Variants in SLC39A11 observed in about 807,000 individuals in gnomAD.
SLC39A11 encodes the protein solute carrier family 39 member 11, also known as zinc transporter ZIP11.
SLC39A11 carries 33 observed loss-of-function variants against 36.1 expected under a neutral mutation model. The observed-to-expected ratio is 0.91, with a 90% CI of 0.69 to 1.22. The LOEUF (loss-of-function observed/expected upper bound fraction) is 1.22. Ranked by LOEUF, SLC39A11 falls within the 50% of genes most tolerant of loss-of-function variation. The pLI, the probability that SLC39A11 is intolerant of heterozygous loss-of-function variation, is 0.00. For missense variants in SLC39A11, 432 were observed against 430.3 expected (o/e 1.00, Z -0.03); for synonymous variants, 166 against 170.3 (o/e 0.97, Z 0.20).
At chr17:72,774,339 G>C (rs2076059052) in intron 6 of SLC39A11, among the ~76,000 whole-genome samples, 1 of 152,172 alleles carries the variant, frequency 6.6e-6, no homozygotes, top group Non-Finnish European at 1.5e-5. Flanking sequence ...GAAATTAATG[G>C]CTTGGGAGGG....
intron 4 of SLC39A11, among the ~76,000 whole-genome samples, chr17:72,977,429 T>C (rs1327456631): frequency 1.3e-5 from 2 of 152,150 alleles, no homozygotes; most frequent in African/African-American, 4.8e-5. Flanking sequence ...TTAAAGCTGT[T>C]AGACTTATAA....
chr17:72,677,592 T>A (rs1476455085), intron 7 of SLC39A11, among the ~76,000 whole-genome samples: 1 of 151,920 alleles, frequency 6.6e-6, no homozygotes, highest in East Asian at 1.9e-4. Context: ...TGAGGGTTTG[T>A]GAGTGAGGTT....
intron 7 of SLC39A11, among the ~76,000 whole-genome samples, chr17:72,689,396 A>C (rs950597720): frequency 6.6e-6 from 1 of 152,184 alleles, no homozygotes; most frequent in African/African-American, 2.4e-5. Flanking sequence ...AAAAGTGGGG[A>C]GAAGAGACAC....
intron 7 of SLC39A11, among the ~76,000 whole-genome samples, chr17:72,653,163 G>A (rs765150696): frequency 6.8e-6 from 1 of 147,876 alleles, no homozygotes; most frequent in Admixed American, 6.8e-5. Flanking sequence ...AGAGTGCACT[G>A]GCACGATCTC....
chr17:72,773,529 C>A (rs989982416), intron 6 of SLC39A11, among the ~76,000 whole-genome samples: 5 of 152,102 alleles, frequency 3.3e-5, no homozygotes, highest in Non-Finnish European at 5.9e-5. Flanking sequence ...TGTGAGGCCT[C>A]CCCAGCCACA....
At chr17:72,858,974 G>A (rs1379287940) in intron 5 of SLC39A11, among the ~76,000 whole-genome samples, 1 of 152,112 alleles carries the variant, frequency 6.6e-6, no homozygotes, top group African/African-American at 2.4e-5. Context: ...CTTCCTATTT[G>A]GATGCCCTGT....
intron 7 of SLC39A11, among the ~76,000 whole-genome samples, chr17:72,715,591 G>C (rs1481029217): frequency 6.6e-6 from 1 of 152,232 alleles, no homozygotes; most frequent in Admixed American, 6.5e-5. Context: ...CCCTAGAGGA[G>C]TCACATTCAT....
intron 5 of SLC39A11, among the ~76,000 whole-genome samples, chr17:72,941,785 C>A (rs1402503394): frequency 6.6e-6 from 1 of 152,144 alleles, no homozygotes; most frequent in Non-Finnish European, 1.5e-5. Context: ...AAGCTTCTGG[C>A]AGTTATTATT....
At chr17:73,041,931 C>T (rs941484625) in intron 3 of SLC39A11, among the ~76,000 whole-genome samples, 1 of 152,168 alleles carries the variant, frequency 6.6e-6, no homozygotes, top group Non-Finnish European at 1.5e-5. Flanking sequence ...CTCAAAATAT[C>T]ATGCAAAATG....
At chr17:72,759,993 T>G (rs2144522087) in intron 6 of SLC39A11, among the ~76,000 whole-genome samples, 1 of 152,288 alleles carries the variant, frequency 6.6e-6, no homozygotes, top group African/African-American at 2.4e-5. Context: ...CTTGTTTGTT[T>G]TTTTTCTTCA....
At position 73,081,670 on chromosome 17, in the gene SLC39A11, C is replaced by T. The variant is rs200793294; in HGVS notation, c.147+3138G>A. ...ACACACACACACACACACACACACA[C>T]ATATATATACACATATATGTATATA... On this transcript the variant is annotated intron_variant, in intron 3 of 9. Transcript: ENST00000255559. Among the ~76,000 whole-genome samples the T allele has an allele frequency of 1.6e-3, 132 of 82,178 alleles. 2 individuals carry two copies. The highest frequency in any genetic ancestry group is 2.9e-3 in the African/African-American group (56 of 19,338). The allele number at this position is 82,178 out of a possible 152,430, so 53.9% of individuals were successfully genotyped here.
intron 5 of SLC39A11, among the ~76,000 whole-genome samples, chr17:72,923,915 C>T (rs1160631285): frequency 2.0e-5 from 3 of 152,022 alleles, no homozygotes; most frequent in African/African-American, 4.8e-5. Context: ...GAGGCTGAGG[C>T]GGGCTGATCT....
intron 7 of SLC39A11, among the ~76,000 whole-genome samples, chr17:72,698,243 A>C (rs925911251): frequency 1.5e-4 from 23 of 152,196 alleles, no homozygotes; most frequent in Non-Finnish European, 7.3e-5. Context: ...CTTTCCAGAA[A>C]GGAAGTTGAA....
At chr17:72,677,009 T>G (rs746842369) in intron 7 of SLC39A11, among the ~76,000 whole-genome samples, 3 of 152,248 alleles carry the variant, frequency 2.0e-5, no homozygotes, top group Non-Finnish European at 2.9e-5. Context: ...GCTTTGTAGC[T>G]TCTCACTAGA....
At chr17:72,725,712 T>C (rs1481767267) in intron 7 of SLC39A11, 3 of 152,154 alleles carry the variant, frequency 2.0e-5, no homozygotes, top group African/African-American at 4.8e-5. Flanking sequence ...TTCCACTGTC[T>C]CTTTGTAAGG....
At chr17:72,695,620 A>C (rs2072258073) in intron 7 of SLC39A11, among the ~76,000 whole-genome samples, 1 of 143,782 alleles carries the variant, frequency 7.0e-6, no homozygotes, top group Admixed American at 6.8e-5. Flanking sequence ...TTTACAAAAA[A>C]AAGGGTCTTT....
chr17:72,753,923 C>T (rs1385646754), intron 6 of SLC39A11, among the ~76,000 whole-genome samples: 2 of 141,816 alleles, frequency 1.4e-5, no homozygotes, highest in African/African-American at 2.6e-5. Flanking sequence ...CCTGCACACA[C>T]GTTCATAGCA....
intron 4 of SLC39A11, among the ~76,000 whole-genome samples, chr17:72,971,334 A>ACTCT (rs149736745): frequency 4.4e-5 from 6 of 137,044 alleles, no homozygotes; most frequent in African/African-American, 1.3e-4. Context: ...ACACACACAC[A>ACTCT]CACTCTCTCT....
At chr17:72,840,864 G>A (rs11870379) in intron 6 of SLC39A11, among the ~76,000 whole-genome samples, 122,121 of 151,758 alleles carry the variant, frequency 0.8, 50,917 homozygotes, top group East Asian at 0.95. Context: ...GACCATCCTG[G>A]CTAACACGGT....
Sources: allele counts gnomAD v4.1 joint callset (sites outside exome capture counted in the v4.1 genomes callset), GRCh38; gene constraint gnomAD v4.1.1; transcripts MANE v1.5; gene names NCBI Gene and HGNC (gene_info 2026-07-23, HGNC 2026-07-21).